Variants in ADAMTSL1 observed in about 807,000 individuals in gnomAD.
ADAMTSL1 encodes the protein ADAMTS like 1.
Under a neutral mutation model 201.8 loss-of-function variants are expected in ADAMTSL1, and 126 were observed. The observed-to-expected ratio is 0.62, with a 90% CI of 0.54 to 0.72. The LOEUF is 0.72. Among genes scored for constraint, ADAMTSL1 ranks in the 30% least tolerant of loss-of-function variants. ADAMTSL1 has a pLI of 0.00. For synonymous variants in ADAMTSL1, 1,121 were observed against 903.4 expected, an observed-to-expected ratio of 1.24 and a Z score of -4.32; for missense variants, 2,679 against 2,277.8, an observed-to-expected ratio of 1.18 and a Z score of -3.59.
intron 23 of ADAMTSL1, among the ~76,000 whole-genome samples, chr9:18,838,897 C>G (rs1359016463): frequency 6.7e-5 from 10 of 150,006 alleles, no homozygotes; most frequent in Non-Finnish European, 1.3e-4. Flanking sequence ...AAAAAAAAAA[C>G]CTAAAATATG....
chr9:18,183,945 C>T lies in ADAMTSL1; in HGVS notation c.207+19964C>T, dbSNP rs77856440. ...ATACCGTGACTAGGGAAGGAAGTTT[C>T]AACGGTAATTTAAATCTGAGACATT... is the stretch of plus-strand genomic sequence containing the variant. On this transcript the variant is annotated intron_variant, in intron 2 of 29. Transcript: ENST00000680146. Among the ~76,000 whole-genome samples, 771 of 152,226 alleles carry T rather than the reference C, an allele frequency of 5.1e-3. 10 individuals carry two copies. The highest frequency in any genetic ancestry group is 0.018 in the African/African-American group (737 of 41,528).
Position 18,675,843 on chromosome 9 carries a change from A to G in ADAMTSL1, c.1086-14A>G, listed in dbSNP as rs1335079537. The G allele has an allele frequency of 1.4e-5, 22 of 1,612,520 alleles. No individual in the cohort carries two copies. Among genetic ancestry groups the G allele is most frequent in the Non-Finnish European group, 1.9e-5 (22 of 1,178,876 alleles). On this transcript the variant is annotated splice_polypyrimidine_tract_variant and intron_variant, in intron 9 of 28. Coordinates refer to ENST00000380548, the MANE Select transcript of ADAMTSL1 (RefSeq NM_001040272.6). ...ACCTTCTACTCAGAGGGTTGGCATT[A>G]TTGTTCCTAACAGTGACGGATACAA...
At chr9:18,731,249 G>A (rs1282071137) in intron 15 of ADAMTSL1, among the ~76,000 whole-genome samples, 1 of 152,206 alleles carries the variant, frequency 6.6e-6, no homozygotes, top group Non-Finnish European at 1.5e-5. Flanking sequence ...GACAGATGTT[G>A]GCTTTCTCAC....
chr9:18,314,858 G>A (rs547467779), intron 2 of ADAMTSL1, among the ~76,000 whole-genome samples: 337 of 135,430 alleles, frequency 2.5e-3, no homozygotes, highest in Middle Eastern at 7.9e-3. Flanking sequence ...GTGCAGTGGC[G>A]CGATCTCGGC....
At chr9:18,046,912 G>A (rs1821684740) in intron 1 of ADAMTSL1, among the ~76,000 whole-genome samples, 1 of 152,100 alleles carries the variant, frequency 6.6e-6, no homozygotes. Context: ...TAAAGAGACT[G>A]AATTTTCTTC....
intron 26 of ADAMTSL1, among the ~76,000 whole-genome samples, chr9:18,898,648 A>C (rs1829812613): frequency 6.6e-6 from 1 of 152,238 alleles, no homozygotes; most frequent in African/African-American, 2.4e-5. Flanking sequence ...TCCCTGGGAT[A>C]TAAGGTTGGG....
chr9:18,089,904 A>G (rs1327223931), intron 1 of ADAMTSL1, among the ~76,000 whole-genome samples: 2 of 151,782 alleles, frequency 1.3e-5, no homozygotes, highest in East Asian at 3.9e-4. Context: ...AGATCTGTTA[A>G]AAGAGTAGAG....
At chr9:18,362,911 C>T (rs1352455893) in intron 2 of ADAMTSL1, among the ~76,000 whole-genome samples, 1 of 152,122 alleles carries the variant, frequency 6.6e-6, no homozygotes, top group Non-Finnish European at 1.5e-5. Flanking sequence ...GAAATCCAAC[C>T]AAGTAGCCAA....
intron 2 of ADAMTSL1, among the ~76,000 whole-genome samples, chr9:18,318,173 G>A (rs1204645159): frequency 6.6e-6 from 1 of 152,196 alleles, no homozygotes; most frequent in Non-Finnish European, 1.5e-5. Context: ...TTTATGTTAT[G>A]CTAATTTGCA....
chr9:18,898,151 T>C (rs1004193495), intron 26 of ADAMTSL1, among the ~76,000 whole-genome samples: 6 of 152,158 alleles, frequency 3.9e-5, no homozygotes, highest in Non-Finnish European at 5.9e-5. Flanking sequence ...ATCATGCCAC[T>C]GCATTCCAGC....
At chr9:18,551,172 T>C (rs984114197) in intron 3 of ADAMTSL1, among the ~76,000 whole-genome samples, 6 of 151,876 alleles carry the variant, frequency 4.0e-5, no homozygotes, top group African/African-American at 1.4e-4. Context: ...CCACCAGAAT[T>C]ATACTTGTTC....
intron 2 of ADAMTSL1, among the ~76,000 whole-genome samples, chr9:18,180,829 T>A (rs2132175202): frequency 6.6e-6 from 1 of 152,230 alleles, no homozygotes; most frequent in South Asian, 2.1e-4. Context: ...CATCGCCAAG[T>A]CAATCCTAAG....
rs188654224 is a variant in ADAMTSL1, at chr9:18,077,023, G to A, written c.88-86839G>A. Among the ~76,000 whole-genome samples the A allele has an allele frequency of 1.8e-3, 276 of 152,242 alleles. 1 individual carries two copies. Among genetic ancestry groups the A allele is most frequent in the South Asian group, 8.9e-3 (43 of 4,824 alleles). On this transcript the variant is annotated intron_variant, in intron 1 of 29. Coordinates refer to the ADAMTSL1 transcript ENST00000680146. ...ATACAGAATGACTCCCAGGTTCCTG[G>A]TGTCTTTAAACGTTGGCCACATTTA...
At chr9:18,294,821 C>A (rs16936553) in intron 2 of ADAMTSL1, among the ~76,000 whole-genome samples, 7,273 of 152,228 alleles carry the variant, frequency 0.048, 253 homozygotes, top group Non-Finnish European at 0.074. Context: ...ACTGACTGAA[C>A]AAGTGTTTTA....
intron 2 of ADAMTSL1, among the ~76,000 whole-genome samples, chr9:18,204,391 T>C (rs1426406502): frequency 6.6e-6 from 1 of 152,088 alleles, no homozygotes; most frequent in African/African-American, 2.4e-5. Context: ...ACTTCCACTT[T>C]GCCTTCCACC....
intron 23 of ADAMTSL1, among the ~76,000 whole-genome samples, chr9:18,860,618 T>C (rs1035334284): frequency 9.2e-5 from 14 of 152,320 alleles, no homozygotes; most frequent in Admixed American, 4.6e-4. Context: ...AAGAGTCAGA[T>C]GGCAATATGT....
At chr9:18,829,209 G>A (rs928157752) in intron 22 of ADAMTSL1, among the ~76,000 whole-genome samples, 2 of 152,118 alleles carry the variant, frequency 1.3e-5, no homozygotes, top group Non-Finnish European at 1.5e-5. Flanking sequence ...TGACTTCAGC[G>A]CTGATTCCTT....
intron 23 of ADAMTSL1, 133 bp downstream of exon 23, chr9:18,830,110 A>T: frequency 8.1e-7 from 1 of 1,240,232 alleles, no homozygotes. Flanking sequence ...TTGCCTACAG[A>T]ATCCAGACTC....
chr9:17,972,307 T>A (rs1588500703), intron 1 of ADAMTSL1, among the ~76,000 whole-genome samples: 1 of 71,428 alleles, frequency 1.4e-5, no homozygotes, highest in African/African-American at 5.0e-5. Flanking sequence ...ATGCTATCCC[T>A]CCCCCCTCCC....
Sources: allele counts gnomAD v4.1 joint callset (sites outside exome capture counted in the v4.1 genomes callset), GRCh38; gene constraint gnomAD v4.1.1; transcripts MANE v1.5; gene names NCBI Gene and HGNC (gene_info 2026-07-23, HGNC 2026-07-21).